Variants in PRKAR2A observed in about 807,000 individuals in gnomAD.
PRKAR2A encodes the protein protein kinase cAMP-dependent type II regulatory subunit alpha, also known as cAMP-dependent protein kinase type II-alpha regulatory subunit.
Under a neutral mutation model 51.9 loss-of-function variants are expected in PRKAR2A, and 29 were observed. That is an observed-to-expected ratio of 0.56 (90% CI 0.42 to 0.76). The LOEUF is 0.76. PRKAR2A is among the 30% of genes least tolerant of loss of function. The pLI is 0.00. For missense variants in PRKAR2A, 445 were observed against 512.1 expected (o/e 0.87, Z 1.26); for synonymous variants, 178 against 186.2 (o/e 0.96, Z 0.36).
chr3:48,829,590 A>ACACACATAAATGTGTGTGTATACGTGTG (rs1477522468), intron 1 of PRKAR2A, among the ~76,000 whole-genome samples: 5 of 35,642 alleles, frequency 1.4e-4, no homozygotes, highest in African/African-American at 5.0e-4. Flanking sequence ...ATGTGTGTAT[A>ACACACATAAATGTGTGTGTATACGTGTG]TATACACACA....
chr3:48,842,423 T>A (rs562577945), intron 1 of PRKAR2A, among the ~76,000 whole-genome samples: 1 of 152,288 alleles, frequency 6.6e-6, no homozygotes, highest in South Asian at 2.1e-4. Context: ...CCTGCCTAAT[T>A]GCCCTGGCCA....
chr3:48,805,989 T>C (rs756333262), intron 2 of PRKAR2A, among the ~76,000 whole-genome samples: 36 of 152,116 alleles, frequency 2.4e-4, no homozygotes, highest in Non-Finnish European at 4.0e-4. Flanking sequence ...CCCAGACCTA[T>C]CCTACAGATG....
In PRKAR2A at chr3:48,751,099, T is replaced by C; in HGVS notation, c.*486A>G. On this transcript the variant is annotated 3_prime_UTR_variant, in exon 11 of 11. Coordinates refer to ENST00000265563, the MANE Select transcript of PRKAR2A (RefSeq NM_004157.4). ...CCACTGTAAAACCAAAGGCTGCAACTGTGAACAAATGTGGACTTCCTCAAA... is the reference window on the plus strand; with the variant it reads ...CCACTGTAAAACCAAAGGCTGCAACCGTGAACAAATGTGGACTTCCTCAAA... 1 of 352,532 alleles carries C rather than the reference T, an allele frequency of 2.8e-6. No homozygotes were observed. Among genetic ancestry groups the C allele is most frequent in the East Asian group, 7.4e-5 (1 of 13,430 alleles). The allele number at this position is 352,532 out of a possible 1,614,324, so 21.8% of individuals were successfully genotyped here.
At chr3:48,804,799 C>T (rs1184464150) in intron 2 of PRKAR2A, among the ~76,000 whole-genome samples, 1 of 152,046 alleles carries the variant, frequency 6.6e-6, no homozygotes, top group African/African-American at 2.4e-5. Flanking sequence ...AATGGAAGGC[C>T]AGACATTGGA....
rs759540303 is a variant in PRKAR2A at position 48,847,527 on chromosome 3, G to C, written c.70C>G (p.Gln24Glu). The C allele has an allele frequency of 8.2e-5, 129 of 1,567,414 alleles. No homozygotes were observed. Among genetic ancestry groups the C allele is most frequent in the Non-Finnish European group, 1.0e-4 (121 of 1,158,304 alleles). The change falls in exon 1 of 11, where the codon CAG becomes GAG. Residue 24 changes from glutamine to glutamate, a missense_variant. Transcript: ENST00000265563. The surrounding 1 kb of genome is among the most constrained non-coding windows in gnomAD (Gnocchi z 4.4). ...LQGYTVEVLR[Q>E]QPPDLVEFAV... ...AATTCGACGAGGTCAGGCGGCTGCT[G>C]TCGCAGCACCTCCACCGTGTAGCCC...
intron 1 of PRKAR2A, among the ~76,000 whole-genome samples, chr3:48,809,595 CAAAAAAAAAAAAAA>C (rs57623385): frequency 6.1e-5 from 3 of 49,338 alleles, no homozygotes; most frequent in African/African-American, 2.0e-4. Context: ...GACTCCATCT[CAAAAAAAAAAAAAA>C]AAAAAAAAAA....
chr3:48,756,313 C>T (rs1393137529), intron 9 of PRKAR2A, 66 bp downstream of exon 9: 1 of 1,400,326 alleles, frequency 7.1e-7, no homozygotes, highest in Non-Finnish European at 1.0e-6. Context: ...CAACACACTT[C>T]ACATTATTTA....
chr3:48,828,708 CA>C (rs547132768), intron 1 of PRKAR2A, among the ~76,000 whole-genome samples: 84 of 83,484 alleles, frequency 1.0e-3, no homozygotes, highest in African/African-American at 1.8e-3. Context: ...CCCCTGTCTC[CA>C]AAAAAAAAAA....
At chr3:48,845,165 G>A (rs1265942752) in intron 1 of PRKAR2A, among the ~76,000 whole-genome samples, 1 of 152,098 alleles carries the variant, frequency 6.6e-6, no homozygotes, top group Non-Finnish European at 1.5e-5. Flanking sequence ...TGTTGTCACT[G>A]TCCTCAACTT....
chr3:48,792,995 T>G (rs1369388420), intron 3 of PRKAR2A, among the ~76,000 whole-genome samples: 1 of 151,902 alleles, frequency 6.6e-6, no homozygotes, highest in Non-Finnish European at 1.5e-5. Context: ...CTAAGTTTTT[T>G]TTTTTTTTTA....
At chr3:48,800,747 C>A (rs2082576730) in intron 2 of PRKAR2A, among the ~76,000 whole-genome samples, 1 of 151,898 alleles carries the variant, frequency 6.6e-6, no homozygotes, top group Non-Finnish European at 1.5e-5. Flanking sequence ...CTCCTCGGCT[C>A]ACTGCAAGCT....
At chr3:48,766,260 A>G (rs925097027) in intron 6 of PRKAR2A, among the ~76,000 whole-genome samples, 1 of 151,764 alleles carries the variant, frequency 6.6e-6, no homozygotes, top group Non-Finnish European at 1.5e-5. Context: ...AACAAAATAC[A>G]TAGGAATAAA....
chr3:48,827,964 A>C (rs1483103899), intron 1 of PRKAR2A, among the ~76,000 whole-genome samples: 1 of 151,984 alleles, frequency 6.6e-6, no homozygotes, highest in Admixed American at 6.6e-5. Context: ...TCTCGGGTTC[A>C]AGTGATTCTC....
intron 2 of PRKAR2A, among the ~76,000 whole-genome samples, chr3:48,797,950 T>TAA (rs2082521429): frequency 6.6e-6 from 1 of 152,158 alleles, no homozygotes; most frequent in Admixed American, 6.6e-5. Flanking sequence ...CCTAGACATT[T>TAA]CTTTTTTCTT....
At chr3:48,784,017 C>T (rs758062875) in intron 4 of PRKAR2A, among the ~76,000 whole-genome samples, 145 of 152,146 alleles carry the variant, frequency 9.5e-4, no homozygotes, top group Non-Finnish European at 1.9e-3. Context: ...TATAAGACAG[C>T]TAATATTGCT....
At chr3:48,792,838 A>T (rs1261300434) in intron 3 of PRKAR2A, among the ~76,000 whole-genome samples, 2 of 151,972 alleles carry the variant, frequency 1.3e-5, no homozygotes, top group Admixed American at 1.3e-4. Flanking sequence ...CTGAGGCAGG[A>T]GAATCACGTG....
intron 1 of PRKAR2A, among the ~76,000 whole-genome samples, chr3:48,809,039 C>A (rs1209645756): frequency 6.6e-6 from 1 of 152,108 alleles, no homozygotes; most frequent in African/African-American, 2.4e-5. Context: ...CCTTGGCCTC[C>A]CAAAGTGCTG....
At chr3:48,786,946 A>G (rs1219562845) in intron 4 of PRKAR2A, among the ~76,000 whole-genome samples, 2 of 152,086 alleles carry the variant, frequency 1.3e-5, no homozygotes, top group Non-Finnish European at 2.9e-5. Context: ...CCATATTCCA[A>G]AATCATGAGG....
At chr3:48,762,468 A>C (rs1001278944) in intron 8 of PRKAR2A, among the ~76,000 whole-genome samples, 78 of 152,182 alleles carry the variant, frequency 5.1e-4, no homozygotes, top group Non-Finnish European at 4.7e-4. Context: ...TACTAAAAAA[A>C]CACACACATG....
Sources: gnomAD v4.1 joint callset for allele counts (sites outside exome capture counted in the v4.1 genomes callset) on GRCh38, gnomAD v4.1.1 for gene constraint, Gnocchi (gnomAD v3.1) non-coding constraint, MANE v1.5 for transcripts, NCBI Gene and HGNC (gene_info 2026-07-23, HGNC 2026-07-21) for gene names.